Variants in TNS3 observed in about 807,000 individuals in gnomAD.
The protein encoded by TNS3 is tensin-3.
Under a neutral mutation model 140.9 loss-of-function variants are expected in TNS3, and 45 were observed. The ratio of observed to expected loss-of-function variants is 0.32; its 90% CI spans 0.25 to 0.41. The LOEUF (loss-of-function observed/expected upper bound fraction) is 0.41, where lower values mean the gene tolerates loss of function less well. TNS3 is among the 10% of genes least tolerant of loss of function. TNS3 has a pLI of 1.00. For synonymous variants in TNS3, 815 were observed against 788.4 expected (o/e 1.03, Z -0.56); for missense variants, 1,716 against 1,906.7 (o/e 0.90, Z 1.86).
intron 1 of TNS3, among the ~76,000 whole-genome samples, chr7:47,529,860 G>A (rs1173443506): frequency 1.3e-5 from 2 of 152,346 alleles, no homozygotes; most frequent in Non-Finnish European, 2.9e-5. Context: ...ATATGTGACC[G>A]TGTATTCTAT....
At chr7:47,392,316 T>C (rs1009154421) in intron 16 of TNS3, among the ~76,000 whole-genome samples, 2 of 152,152 alleles carry the variant, frequency 1.3e-5, no homozygotes, top group Admixed American at 6.5e-5. Context: ...CCGGCTCCTT[T>C]CTGAGTATAG....
chr7:47,316,618 C>G (rs1019977870), intron 20 of TNS3, among the ~76,000 whole-genome samples: 3 of 150,198 alleles, frequency 2.0e-5, no homozygotes, highest in African/African-American at 4.9e-5. Context: ...CACTTGAGAT[C>G]AGGAGTTTGA....
intron 20 of TNS3, among the ~76,000 whole-genome samples, chr7:47,343,665 T>C (rs148180351): frequency 6.5e-4 from 99 of 152,380 alleles, no homozygotes; most frequent in Admixed American, 1.2e-3. Context: ...CATGGCTACC[T>C]ATGTGTGAGT....
rs186252756 is a variant in TNS3, at chr7:47,448,220, C to A, written c.-75-6165G>T. On this transcript the variant is annotated intron_variant, in intron 4 of 30. Transcript: ENST00000311160. ...AGCCAGCAGCCTCCTCTGCACTCAC[C>A]CATGTGGGGCATGCAGAGGGGGAGC... Among the ~76,000 whole-genome samples the A allele has an allele frequency of 3.4e-3, 513 of 152,348 alleles. 2 individuals are homozygous for A. Among genetic ancestry groups the A allele is most frequent in the South Asian group, 0.029 (139 of 4,824 alleles).
chr7:47,474,427 CAA>C (rs1797090467), intron 4 of TNS3, among the ~76,000 whole-genome samples: 1 of 148,632 alleles, frequency 6.7e-6, no homozygotes, highest in Non-Finnish European at 1.5e-5. Context: ...ACAACACAAA[CAA>C]CACACACTAC....
rs761812616 is a variant in TNS3, at chr7:47,439,623, T to C, written c.14A>G (p.His5Arg). 9.9e-6 allele frequency: 16 copies of C among 1,613,948 alleles called. No individual in the cohort carries two copies. Among genetic ancestry groups the C allele is most frequent in the East Asian group, 2.2e-5 (1 of 44,880 alleles). Residue 5 changes from histidine to arginine, a missense_variant, in exon 6 of 31, where the codon CAT becomes CGT. This residue lies in a region of TNS3 where 337 missense variants were observed against 428.9 expected (regional missense o/e 0.79). Transcript: ENST00000311160. The part of the protein sequence containing the change: MEEG[H>R]GLDLTYITER... ...CGTGATGTAAGTGAGGTCCAGCCCA[T>C]GGCCCTCCTCCATGGTGGGACTCAG...
chr7:47,393,834 CCTT>C (rs760985424), intron 16 of TNS3, among the ~76,000 whole-genome samples: 2 of 152,172 alleles, frequency 1.3e-5, no homozygotes, highest in African/African-American at 2.4e-5. Flanking sequence ...TCCCGGGTGT[CCTT>C]CCCACTCTGC....
At chr7:47,539,381 C>A in intron 1 of TNS3, 1 of 331,726 alleles carries the variant, frequency 3.0e-6, no homozygotes, top group Non-Finnish European at 6.0e-6. Context: ...GATAAACCTC[C>A]CCAGTGAGGA....
intron 23 of TNS3, among the ~76,000 whole-genome samples, chr7:47,299,454 T>C (rs1273412737): frequency 6.6e-6 from 1 of 152,206 alleles, no homozygotes; most frequent in Non-Finnish European, 1.5e-5. Flanking sequence ...TTTTTTGTTT[T>C]CTCTAAGTAG....
chr7:47,516,120 T>C (rs1438057885), intron 2 of TNS3, among the ~76,000 whole-genome samples: 1 of 152,242 alleles, frequency 6.6e-6, no homozygotes, highest in Non-Finnish European at 1.5e-5. Flanking sequence ...GGGATCAAAA[T>C]GCAAATGTAT....
intron 1 of TNS3, among the ~76,000 whole-genome samples, chr7:47,569,258 A>G (rs1397726668): frequency 6.6e-6 from 1 of 152,204 alleles, no homozygotes; most frequent in African/African-American, 2.4e-5. Flanking sequence ...ATATTACACA[A>G]GGGTCCAGGC....
intron 2 of TNS3, among the ~76,000 whole-genome samples, chr7:47,528,769 G>C (rs1257792091): frequency 6.6e-6 from 1 of 152,184 alleles, no homozygotes; most frequent in African/African-American, 2.4e-5. Flanking sequence ...GAGCAGACCT[G>C]AGAATAAATG....
intron 1 of TNS3, among the ~76,000 whole-genome samples, chr7:47,569,923 C>T (rs539841191): frequency 1.3e-5 from 2 of 151,336 alleles, no homozygotes; most frequent in Admixed American, 6.6e-5. Context: ...CCAAGGCAGG[C>T]GGATCACCTG....
At chr7:47,554,173 C>T (rs187537175) in intron 1 of TNS3, among the ~76,000 whole-genome samples, 1 of 149,608 alleles carries the variant, frequency 6.7e-6, no homozygotes, top group Admixed American at 6.6e-5. Flanking sequence ...AATCCCAGCA[C>T]TTTGGGAGGC....
chr7:47,287,414 A>G lies in TNS3; in HGVS notation c.3929-3549T>C, dbSNP rs368658012. 3.0e-4 allele frequency among the ~76,000 whole-genome samples: 45 copies of G among 152,348 alleles called. 1 individual carries two copies. The East Asian group carries it at 5.8e-3, about 20-fold the overall frequency. On this transcript the variant is annotated intron_variant, in intron 27 of 30. Transcript: ENST00000311160. ...CTGAGTTTCAGCTTCCTGAATCTTT[A>G]TAACGGGGAAATTGGACATGATCAT... is the stretch of plus-strand genomic sequence containing the variant.
intron 3 of TNS3, among the ~76,000 whole-genome samples, chr7:47,490,543 G>A (rs917527945): frequency 6.6e-6 from 1 of 152,222 alleles, no homozygotes; most frequent in Non-Finnish European, 1.5e-5. Context: ...GTGAGTGGTG[G>A]AATATGGCAG....
intron 20 of TNS3, 44 bp downstream of exon 20, chr7:47,344,711 C>T (rs779639975): frequency 4.5e-6 from 7 of 1,568,258 alleles, no homozygotes; most frequent in Middle Eastern, 2.3e-4. Context: ...CGCGATGCAG[C>T]GCCTGAGTGC....
chr7:47,305,893 T>C (rs1786721427), intron 20 of TNS3, among the ~76,000 whole-genome samples: 1 of 152,222 alleles, frequency 6.6e-6, no homozygotes, highest in African/African-American at 2.4e-5. Context: ...CTAATGAGGA[T>C]TGATAAGAGA....
chr7:47,334,644 T>C (rs536171594), intron 20 of TNS3, among the ~76,000 whole-genome samples: 1 of 148,506 alleles, frequency 6.7e-6, no homozygotes. Flanking sequence ...CTCACTCTGT[T>C]GTCAGGCTGC....
Sources: allele counts gnomAD v4.1 joint callset (sites outside exome capture counted in the v4.1 genomes callset), GRCh38; gene constraint gnomAD v4.1.1; regional missense constraint gnomAD v4.1.1; transcripts MANE v1.5; gene names NCBI Gene and HGNC (gene_info 2026-07-23, HGNC 2026-07-21).